The following TTN variants were observed in gnomAD, a reference collection of about 807,000 sequenced individuals.
The protein encoded by TTN is titin, also known as connectin.
TTN carries 1,525 observed loss-of-function variants against 3,223.0 expected under a neutral mutation model. That is an observed-to-expected ratio of 0.47 (90% CI 0.45 to 0.49). The LOEUF (loss-of-function observed/expected upper bound fraction) is 0.49. Among genes scored for constraint, TTN ranks in the 20% least tolerant of loss-of-function variants. The pLI, the probability that TTN is intolerant of heterozygous loss-of-function variation, is 0.00. For synonymous variants in TTN, 14,094 were observed against 15,161.0 expected (o/e 0.93, Z 5.17); for missense variants, 40,786 against 43,424.0 (o/e 0.94, Z 5.40).
In TTN at chr2:178,727,224, T is replaced by C. The variant is rs774722320; in HGVS notation, c.20141A>G (p.Tyr6714Cys). ...NEHELPASDKYRMTFIDSVAV... is the reference protein window; with the variant it reads ...NEHELPASDKCRMTFIDSVAV... ...CACTGAGTCAATGAAAGTCATTCTG[T>C]ACTTATCACTGGCTGGAAGTTCATG... The change falls in exon 69 of 363, where the codon TAC (tyrosine) becomes TGC (cysteine). Residue 6714 changes from tyrosine (Y) to cysteine (C), a missense_variant. Tyr to Cys is a radical substitution (Grantham distance 194). Transcript: ENST00000589042. The C allele has an allele frequency of 1.9e-6, 3 of 1,613,294 alleles. No homozygotes were observed. The highest frequency in any genetic ancestry group is 2.5e-6 in the Non-Finnish European group (3 of 1,179,462).
At chr2:178,761,274 C>A (rs1574443882) in intron 43 of TTN, among the ~76,000 whole-genome samples, 2 of 152,178 alleles carry the variant, frequency 1.3e-5, no homozygotes, top group Admixed American at 6.5e-5. Context: ...TCCCTTCTTT[C>A]CCTATCACAG....
At chr2:178,786,249 A>T in intron 13 of TTN, 108 bp from the exon 14 acceptor site, 1 of 1,173,374 alleles carries the variant, frequency 8.5e-7, no homozygotes, top group Non-Finnish European at 1.2e-6. Context: ...CAGCAGTGTT[A>T]ACGTGTCTAG....
At chr2:178,718,648 CTT>C in intron 84 of TTN, 45 bp downstream of exon 84, 1 of 1,603,192 alleles carries the variant, frequency 6.2e-7, no homozygotes, top group Non-Finnish European at 8.5e-7. Context: ...CTAATGAAGA[CTT>C]AAGAGAAATT....
chr2:178,569,286 C>T lies in TTN; in HGVS notation c.76846G>A (p.Asp25616Asn). ...VNLKVTEITK[D>N]SVSITWEPPL... The stretch of plus-strand genomic sequence containing the variant: ...GGTTCCCATGTAATTGATACTGAGT[C>T]TTTGGTGATTTCTGTGACTTTCAGG... Residue 25616 changes from aspartate (D) to asparagine (N), a missense_variant, in exon 326 of 363, where the codon GAC (aspartate) becomes AAC (asparagine). By Grantham distance (23) the Asp-to-Asn change is conservative. Transcript: ENST00000589042. 1 of 1,610,380 alleles carries T rather than the reference C, an allele frequency of 6.2e-7. No individual in the cohort carries two copies. Among genetic ancestry groups the T allele is most frequent in the Non-Finnish European group, 8.5e-7 (1 of 1,177,868 alleles).
At chr2:178,602,811 G>A (rs2154193844) in intron 282 of TTN, among the ~76,000 whole-genome samples, 1 of 151,974 alleles carries the variant, frequency 6.6e-6, no homozygotes. Flanking sequence ...AACTAACTGG[G>A]AATAGAAAGA....
chr2:178,723,792 AC>A, intron 73 of TTN, 63 bp downstream of exon 73: 1 of 1,549,864 alleles, frequency 6.5e-7, no homozygotes, highest in Non-Finnish European at 8.7e-7. Flanking sequence ...ATGTTTGTCA[AC>A]ATAGATGTGC....
Position 178,715,214 on chromosome 2 carries a change from C to G in TTN, c.25972G>C (p.Ala8658Pro), listed in dbSNP as rs1182186384. The G allele has an allele frequency of 1.9e-6, 3 of 1,613,566 alleles. No homozygotes were observed. The highest frequency in any genetic ancestry group is 2.5e-6 in the Non-Finnish European group (3 of 1,179,654). Residue 8658 changes from alanine to proline, a missense_variant, in exon 90 of 363, where the codon GCT becomes CCT. By Grantham distance (27) the Ala-to-Pro change is conservative. Coordinates refer to ENST00000589042, the MANE Select transcript of TTN (RefSeq NM_001267550.2). ...AGCTCACATTCAAGGTGAACATCAG[C>G]TCCTTTCAGTGTCTCTATAGGATGA... is the stretch of plus-strand genomic sequence containing the variant. ...KPHPIETLKG[A>P]DVHLECELQG... is the part of the protein sequence containing the mutation.
At chr2:178,646,357 A>G in intron 216 of TTN, 128 bp downstream of exon 216, 3 of 573,300 alleles carry the variant, frequency 5.2e-6, no homozygotes, top group Admixed American at 3.4e-5. Flanking sequence ...TGAGGCTCAC[A>G]TTTACAACAA....
At chr2:178,744,404 AT>A (rs762821056) in intron 47 of TTN, 3 of 983,762 alleles carry the variant, frequency 3.0e-6, no homozygotes, top group Non-Finnish European at 2.4e-6. Context: ...CATTTTCAGA[AT>A]TTTTTATATT....
At chr2:178,556,534 C>T (rs745933152) in intron 330 of TTN, 37 of 345,848 alleles carry the variant, frequency 1.1e-4, no homozygotes, top group Non-Finnish European at 1.8e-4. Flanking sequence ...GGAACTCAAC[C>T]ATGGTTTAAT....
rs756243960 is a variant in TTN at position 178,585,253 on chromosome 2, G to T, written c.64491C>A (p.Thr21497=). Residue 21497 remains threonine, a synonymous_variant, in exon 309 of 363, where the codon ACC becomes ACA. Transcript: ENST00000589042. ...EAHVYGKPHP[T]CKWKKGEDEV... ...CATCTTCTCCTTTTTTCCATTTACA[G>T]GTGGGATGAGGCTTTCCATACACAT... 1 of 1,613,278 alleles carries T rather than the reference G, an allele frequency of 6.2e-7. No homozygotes were observed. The highest frequency in any genetic ancestry group is 8.5e-7 in the Non-Finnish European group (1 of 1,179,434).
rs556218739 is a variant in TTN at position 178,533,144 on chromosome 2, C to T, written c.103471G>A (p.Glu34491Lys). Residue 34491 changes from glutamate (E) to lysine (K), a missense_variant, in exon 358 of 363, where the codon GAA (glutamate) becomes AAA (lysine). Coordinates refer to ENST00000589042, the MANE Select transcript of TTN (RefSeq NM_001267550.2). Reference protein sequence around the residue: ...LRMAEILSGTESVPLTQVAKE... With the variant: ...LRMAEILSGTKSVPLTQVAKE... ...GCTACCTGTGTCAGTGGTACACTTT[C>T]AGTTCCAGAAAGAATTTCAGCCATT... 7 of 1,613,984 alleles carry T rather than the reference C, an allele frequency of 4.3e-6. No individual in the cohort carries two copies. In the African/African-American group the frequency reaches 9.3e-5, roughly 22 times the overall value.
rs1456702147 is a variant in TTN at position 178,645,978 on chromosome 2, TG to T, written c.40349del (p.Pro13450HisfsTer12). ...CCTTAGGTGGAGCAGGTGGAGGAGG[TG>T]GGGGTCTTGGTTTGAGTTTTGGCTT... The part of the protein sequence containing the change: ...IEKPKLKPRP[P>X]PPPPAPPKED... On this transcript the variant is annotated frameshift_variant, in exon 217 of 363. Transcript: ENST00000589042. LOFTEE classifies it high-confidence loss of function. 1 of 1,585,614 alleles carries T rather than the reference TG, an allele frequency of 6.3e-7. No individual in the cohort carries two copies. Among genetic ancestry groups the T allele is most frequent in the Non-Finnish European group, 8.6e-7 (1 of 1,169,066 alleles).
chr2:178,727,240 G>A lies in TTN; in HGVS notation c.20125C>T (p.Pro6709Ser). The A allele has an allele frequency of 1.2e-6, 2 of 1,613,192 alleles. No homozygotes were observed. The highest frequency in any genetic ancestry group is 8.5e-7 in the Non-Finnish European group (1 of 1,179,410). ...GTCATTCTGTACTTATCACTGGCTG[G>A]AAGTTCATGTTCATTTCGGAACCAC... ...VVWFRNEHEL[P>S]ASDKYRMTFI... Residue 6709 changes from proline to serine, a missense_variant, in exon 69 of 363, where the codon CCA (proline) becomes TCA (serine). Transcript: ENST00000589042.
intron 106 of TTN, among the ~76,000 whole-genome samples, chr2:178,703,262 T>C (rs936443979): frequency 1.3e-5 from 2 of 152,188 alleles, no homozygotes; most frequent in African/African-American, 4.8e-5. Flanking sequence ...GAGGGTCTTA[T>C]ATGTATAACA....
intron 308 of TTN, 100 bp from the exon 309 acceptor site, chr2:178,585,447 T>C: frequency 7.9e-7 from 1 of 1,264,170 alleles, no homozygotes; most frequent in Non-Finnish European, 1.1e-6. Context: ...TTACCACCAA[T>C]TTTTTTTAAT....
At position 178,664,911 on chromosome 2, in the gene TTN, T is replaced by C; in HGVS notation, c.36059A>G (p.Gln12020Arg). 1 of 1,609,428 alleles carries C rather than the reference T, an allele frequency of 6.2e-7. No individual in the cohort carries two copies. Among genetic ancestry groups the C allele is most frequent in the East Asian group, 2.2e-5 (1 of 44,786 alleles). Reference protein sequence around the residue: ...TPRMKTPEAPQEIIPAKTVPS... With the variant: ...TPRMKTPEAPREIIPAKTVPS... ...AACTGTCTTGGCAGGAATAATTTCT[T>C]GAGGAGCTTCGGGCGCTTGAAAGAT... The change falls in exon 166 of 363, where the codon CAA becomes CGA. Residue 12020 changes from glutamine to arginine, a missense_variant. Transcript: ENST00000589042.
chr2:178,614,239 A>T lies in TTN; in HGVS notation c.49158T>A (p.Tyr16386Ter). The change falls in exon 262 of 363, where the codon TAT (tyrosine) becomes TAA (stop). Residue 16386 changes from tyrosine to a stop codon, truncating the protein, a stop_gained. Transcript: ENST00000589042. LOFTEE classifies it high-confidence loss of function. Reference protein sequence around the residue: ...RDDGGSKITNYVVERRATDSE... With the variant: ...RDDGGSKITN ...TATCAGTTGCTCGTCTCTCCACAAC[A>T]TAGTTTGTGATCTTAGATCCACCAT... 1 of 1,612,546 alleles carries T rather than the reference A, an allele frequency of 6.2e-7. No homozygotes were observed.
Position 178,721,936 on chromosome 2 carries a change from T to A in TTN, c.22727A>T (p.Lys7576Ile). ...TTGACCAGAGTCTCCTTTGCCTACTTTAAGAATTCTCAAATGAGGAGTGTT... is the reference window on the plus strand; with the variant it reads ...TTGACCAGAGTCTCCTTTGCCTACTATAAGAATTCTCAAATGAGGAGTGTT... ...VGNTPHLRIL[K>I]VGKGDSGQYT... Residue 7576 changes from lysine to isoleucine, a missense_variant, in exon 78 of 363, where the codon AAA (lysine) becomes ATA (isoleucine). Coordinates refer to ENST00000589042, the MANE Select transcript of TTN (RefSeq NM_001267550.2). The A allele has an allele frequency of 6.2e-7, 1 of 1,613,588 alleles. No individual in the cohort carries two copies. The highest frequency in any genetic ancestry group is 1.1e-5 in the South Asian group (1 of 91,056).
Sources: gnomAD v4.1 joint callset for allele counts (sites outside exome capture counted in the v4.1 genomes callset) on GRCh38, gnomAD v4.1.1 for gene constraint, MANE v1.5 for transcripts, NCBI Gene and HGNC (gene_info 2026-07-23, HGNC 2026-07-21) for gene names.